EYA1: variants seen among roughly 807,000 people sequenced by gnomAD.
EYA1 encodes the protein EYA transcriptional coactivator and phosphatase 1.
A neutral mutation model predicts 82.0 loss-of-function variants in EYA1; 16 were observed. The observed-to-expected ratio is 0.20, with a 90% CI of 0.13 to 0.30. The LOEUF (loss-of-function observed/expected upper bound fraction) is 0.30. EYA1 is among the 10% of genes least tolerant of loss of function. The probability of loss-of-function intolerance (pLI) is 1.00; values close to 1 mark genes in which losing one functional copy is unlikely to be tolerated. For missense variants in EYA1, 633 were observed against 730.7 expected (o/e 0.87, Z 1.54); for synonymous variants, 261 against 264.4 (o/e 0.99, Z 0.12).
intron 9 of EYA1, among the ~76,000 whole-genome samples, chr8:71,290,469 C>A (rs1407789493): frequency 1.3e-5 from 2 of 151,966 alleles, no homozygotes; most frequent in East Asian, 3.9e-4. Context: ...ATTTAATTAG[C>A]TCAATAATAT....
In EYA1 at chr8:71,448,009, C is replaced by CTTTTTT. The variant is rs548078514; in HGVS notation, c.33+87729_33+87734dup. 7.1e-5 allele frequency among the ~76,000 whole-genome samples: 5 copies of CTTTTTT among 70,846 alleles called. 1 individual carries two copies. Among genetic ancestry groups the CTTTTTT allele is most frequent in the African/African-American group, 2.8e-4 (5 of 18,046 alleles). The allele number at this position is 70,846 out of a possible 152,430, so 46.5% of individuals were successfully genotyped here. ...CATGGAATGCAAAGCTGTTTAAGAG[C>CTTTTTT]TTTTTTTTTTTTTTTTTCTCGCTCC... On this transcript the variant is annotated intron_variant, in intron 2 of 18. Coordinates refer to the EYA1 transcript ENST00000643681.
chr8:71,532,825 G>A (rs994205318), intron 2 of EYA1, among the ~76,000 whole-genome samples: 2 of 152,036 alleles, frequency 1.3e-5, no homozygotes, highest in Non-Finnish European at 2.9e-5. Flanking sequence ...TAGGTTATAT[G>A]GATTTTACTT....
chr8:71,440,832 A>G (rs533087135), intron 2 of EYA1, among the ~76,000 whole-genome samples: 3 of 152,322 alleles, frequency 2.0e-5, no homozygotes, highest in Non-Finnish European at 4.4e-5. Context: ...AGTGACAGAA[A>G]GAAAGAAGAA....
intron 2 of EYA1, among the ~76,000 whole-genome samples, chr8:71,382,823 C>T (rs1198886465): frequency 1.3e-5 from 2 of 151,938 alleles, no homozygotes; most frequent in East Asian, 1.9e-4. Flanking sequence ...GAAATCATAT[C>T]GATTTCTAGG....
chr8:71,216,623 G>C lies in EYA1; in HGVS notation c.1360+69C>G, dbSNP rs538339902. Reference sequence around the variant, plus strand: ...ATATTCAAAGCAGTGTGACACAAAAGTGTACAGTACTTTTGGAATTGTATC... The same window carrying C: ...ATATTCAAAGCAGTGTGACACAAAACTGTACAGTACTTTTGGAATTGTATC... On this transcript the variant is annotated intron_variant, in intron 14 of 17. Transcript: ENST00000340726. 4.0e-5 allele frequency: 59 copies of C among 1,490,062 alleles called. 1 individual carries two copies. In the East Asian group the frequency reaches 1.3e-3, roughly 33 times the overall value. 92.3% of individuals were successfully genotyped at this position (1,490,062 alleles called of 1,614,324 possible).
chr8:71,211,057 C>T (rs996279241), intron 17 of EYA1, 99 bp downstream of exon 17: 48 of 800,814 alleles, frequency 6.0e-5, no homozygotes, highest in South Asian at 2.4e-4. Context: ...ATATTCATCA[C>T]GTTTCACATA....
intron 2 of EYA1, among the ~76,000 whole-genome samples, chr8:71,469,126 T>A (rs961739039): frequency 2.6e-5 from 4 of 151,650 alleles, no homozygotes; most frequent in African/African-American, 9.7e-5. Flanking sequence ...ACATATAGTA[T>A]GTTTTAGGCA....
At chr8:71,525,083 C>T (rs957958006) in intron 2 of EYA1, among the ~76,000 whole-genome samples, 1 of 152,176 alleles carries the variant, frequency 6.6e-6, no homozygotes, top group African/African-American at 2.4e-5. Context: ...TATTGAAATA[C>T]TATCCTCATT....
At chr8:71,386,829 C>T (rs1828992929) in intron 2 of EYA1, among the ~76,000 whole-genome samples, 2 of 152,128 alleles carry the variant, frequency 1.3e-5, no homozygotes, top group Admixed American at 1.3e-4. Context: ...ATCTTATCTG[C>T]TTCTATTTCA....
Position 71,333,414 on chromosome 8 carries a change from T to C in EYA1, c.202+683A>G, listed in dbSNP as rs28600995. On this transcript the variant is annotated intron_variant, in intron 4 of 17. Coordinates refer to ENST00000340726, the MANE Select transcript of EYA1 (RefSeq NM_000503.6). ...TATAGCAGGCAATATTAAAAAAAAG[T>C]CAAAATTCTAAGAATTACCTCTGAT... Among the ~76,000 whole-genome samples the C allele has an allele frequency of 3.6e-3, 543 of 152,224 alleles. 2 individuals are homozygous for C. Among genetic ancestry groups the C allele is most frequent in the African/African-American group, 0.012 (515 of 41,526 alleles).
chr8:71,237,896 A>T (rs1456693329), intron 12 of EYA1, among the ~76,000 whole-genome samples: 2 of 152,190 alleles, frequency 1.3e-5, no homozygotes, highest in Non-Finnish European at 2.9e-5. Context: ...GCATGGGTAT[A>T]ACTAACACCC....
chr8:71,332,614 C>T (rs944701057), intron 4 of EYA1, among the ~76,000 whole-genome samples: 1 of 152,186 alleles, frequency 6.6e-6, no homozygotes, highest in African/African-American at 2.4e-5. Context: ...TCCACTTCAG[C>T]TCACCTGCCC....
chr8:71,314,560 T>C (rs1821699674), intron 7 of EYA1, among the ~76,000 whole-genome samples: 1 of 152,032 alleles, frequency 6.6e-6, no homozygotes. Context: ...TATATACTGG[T>C]TGAGCATTCC....
intron 2 of EYA1, among the ~76,000 whole-genome samples, chr8:71,453,182 C>G (rs775286666): frequency 7.9e-5 from 12 of 151,978 alleles, no homozygotes; most frequent in East Asian, 3.9e-4. Context: ...GATTGAAGAT[C>G]AAATGAATGA....
At chr8:71,436,584 C>T (rs943971967) in intron 2 of EYA1, among the ~76,000 whole-genome samples, 5 of 152,148 alleles carry the variant, frequency 3.3e-5, no homozygotes, top group African/African-American at 1.2e-4. Context: ...CTGCAGCGGA[C>T]TGCGCCTCTC....
intron 2 of EYA1, among the ~76,000 whole-genome samples, chr8:71,487,262 T>A (rs1460070710): frequency 6.6e-6 from 1 of 152,160 alleles, no homozygotes; most frequent in Non-Finnish European, 1.5e-5. Context: ...TTAAGTTTAA[T>A]TTAATTACTG....
chr8:71,490,036 G>T (rs573889901), intron 2 of EYA1, among the ~76,000 whole-genome samples: 2 of 152,278 alleles, frequency 1.3e-5, no homozygotes, highest in South Asian at 2.1e-4. Context: ...AGGCCCTGGG[G>T]AATAGGCATC....
At chr8:71,354,966 T>G in intron 2 of EYA1, 57 bp from the exon 3 acceptor site, 1 of 1,546,098 alleles carries the variant, frequency 6.5e-7, no homozygotes, top group Non-Finnish European at 8.9e-7. Flanking sequence ...CACCACCATT[T>G]AATGCGCTAA....
chr8:71,404,277 G>A (rs1482267648), intron 2 of EYA1: 1 of 152,104 alleles, frequency 6.6e-6, no homozygotes, highest in African/African-American at 2.4e-5. Context: ...AAGAGGGAGA[G>A]GAAGAAGAAA....
Sources: gnomAD v4.1 joint callset for allele counts (sites outside exome capture counted in the v4.1 genomes callset) on GRCh38, gnomAD v4.1.1 for gene constraint, MANE v1.5 for transcripts, NCBI Gene and HGNC (gene_info 2026-07-23, HGNC 2026-07-21) for gene names.